The following BEAN1 variants were observed in gnomAD, a reference collection of about 807,000 sequenced individuals.
BEAN1 encodes brain expressed associated with NEDD4 1.
In BEAN1, 17 loss-of-function variants were observed where a neutral mutation model predicts 17.7. The ratio of observed to expected loss-of-function variants is 0.96; its 90% CI spans 0.66 to 1.44. BEAN1 has a LOEUF of 1.44. Ranked by LOEUF, BEAN1 falls within the 40% of genes most tolerant of loss-of-function variation. The pLI is 0.00. For missense variants in BEAN1, 359 were observed against 374.1 expected, an observed-to-expected ratio of 0.96 and a Z score of 0.33; for synonymous variants, 142 against 151.8, an observed-to-expected ratio of 0.94 and a Z score of 0.47.
intron 2 of BEAN1, 60 bp downstream of exon 2, chr16:66,437,761 T>C: frequency 6.7e-7 from 1 of 1,495,936 alleles, no homozygotes; most frequent in Non-Finnish European, 9.0e-7. Context: ...GAGCTTGGAG[T>C]CGAGCTGCAG....
At chr16:66,458,026 C>G (rs1049848570) in intron 2 of BEAN1, among the ~76,000 whole-genome samples, 2 of 152,178 alleles carry the variant, frequency 1.3e-5, no homozygotes, top group Non-Finnish European at 2.9e-5. Flanking sequence ...CAGACTTGCC[C>G]GGGAAGTGGA....
intron 4 of BEAN1, among the ~76,000 whole-genome samples, chr16:66,487,838 C>A (rs1964110173): frequency 6.6e-6 from 1 of 152,152 alleles, no homozygotes; most frequent in African/African-American, 2.4e-5. Context: ...CATGCCTCCA[C>A]CTCCCCTCCC....
rs1371599512 is a variant in BEAN1, at chr16:66,481,800, C to A, written c.*875C>A. 1.3e-5 allele frequency: 2 copies of A among 152,584 alleles called. No individual in the cohort carries two copies. The highest frequency in any genetic ancestry group is 1.9e-4 in the East Asian group (1 of 5,196). 9.5% of individuals were successfully genotyped at this position (152,584 alleles called of 1,614,324 possible). A position where few individuals can be genotyped will look rare whatever the true frequency, so the allele number is the denominator to read the frequency against. ...GCTTCACCACAGTGCTGCCTGGGCA[C>A]CTCTCTGAGGCAGAGAAGTGGCCCC... is the stretch of plus-strand genomic sequence containing the variant. On this transcript the variant is annotated 3_prime_UTR_variant, in exon 5 of 5. Transcript: ENST00000536005. The surrounding 1 kb of genome is among the most constrained non-coding windows in gnomAD (Gnocchi z 4.1).
chr16:66,469,074 C>T (rs1671356450), intron 2 of BEAN1, among the ~76,000 whole-genome samples: 2 of 151,826 alleles, frequency 1.3e-5, no homozygotes, highest in South Asian at 2.1e-4. Context: ...TTCTGGGAAA[C>T]CTTCTCTCAT....
Position 66,481,034 on chromosome 16 carries a change from CACA to C in BEAN1, c.*110_*112del. The C allele has an allele frequency of 1.1e-6, 1 of 950,560 alleles. No individual in the cohort carries two copies. Among genetic ancestry groups the C allele is most frequent in the Non-Finnish European group, 1.5e-6 (1 of 663,034 alleles). The allele number at this position is 950,560 out of a possible 1,614,324, so 58.9% of individuals were successfully genotyped here. A position where few individuals can be genotyped will look rare whatever the true frequency, so the allele number is the denominator to read the frequency against. On this transcript the variant is annotated 3_prime_UTR_variant, in exon 5 of 5. Coordinates refer to ENST00000536005, the MANE Select transcript of BEAN1 (RefSeq NM_001178020.3). The surrounding 1 kb of genome is among the most constrained non-coding windows in gnomAD (Gnocchi z 4.1). ...AGATGCACACGTGACTCATAACACA[CACA>C]TAGACCAAACTTGTATACACACAGA...
rs372012072 is a variant in BEAN1 at position 66,480,581 on chromosome 16, C to T, written c.441-5C>T. The stretch of plus-strand genomic sequence containing the variant: ...GGGGCACTGAGGGAGCCTCTTCTCT[C>T]GTAGCTACGAGGAGTGTGTGGGGCC... On this transcript the variant is annotated splice_polypyrimidine_tract_variant and splice_region_variant and intron_variant, in intron 4 of 4. Transcript: ENST00000536005. 1.4e-5 allele frequency: 22 copies of T among 1,521,848 alleles called. No homozygotes were observed. Among genetic ancestry groups the T allele is most frequent in the African/African-American group, 2.8e-5 (2 of 72,598 alleles). 94.3% of individuals were successfully genotyped at this position (1,521,848 alleles called of 1,614,324 possible). A position where few individuals can be genotyped will look rare whatever the true frequency, so the allele number is the denominator to read the frequency against.
chr16:66,480,629 C>G lies in BEAN1; in HGVS notation c.484C>G (p.Pro162Ala). Residue 162 changes from proline to alanine, a missense_variant, in exon 5 of 5, where the codon CCC becomes GCC. By Grantham distance (27) the Pro-to-Ala change is conservative (BLOSUM62 -1). Transcript: ENST00000536005. ...VGPGATQLYV[P>A]TDAPPPYSLT... Reference sequence around the variant, plus strand: ...GCCAGGGGCCACTCAGCTGTATGTCCCCACGGACGCACCACCACCCTACTC... The same window carrying G: ...GCCAGGGGCCACTCAGCTGTATGTCGCCACGGACGCACCACCACCCTACTC... 2 of 1,550,588 alleles carry G rather than the reference C, an allele frequency of 1.3e-6. No homozygotes were observed. Among genetic ancestry groups the G allele is most frequent in the Non-Finnish European group, 1.7e-6 (2 of 1,146,256 alleles).
intron 2 of BEAN1, among the ~76,000 whole-genome samples, chr16:66,456,459 A>G (rs1962871178): frequency 6.6e-6 from 1 of 152,222 alleles, no homozygotes; most frequent in Admixed American, 6.5e-5. Context: ...AGGCATGCAC[A>G]GTAACTCCAC....
chr16:66,460,462 A>G (rs1963040555), intron 2 of BEAN1, among the ~76,000 whole-genome samples: 2 of 152,350 alleles, frequency 1.3e-5, no homozygotes, highest in Admixed American at 1.3e-4. Context: ...TCTCTAGGAC[A>G]TACCCAGAGA....
intron 1 of BEAN1, among the ~76,000 whole-genome samples, chr16:66,432,224 C>G (rs536393951): frequency 6.6e-6 from 1 of 152,284 alleles, no homozygotes; most frequent in East Asian, 1.9e-4. Context: ...ACTTTTCTCC[C>G]CCACTCCTAA....
chr16:66,443,874 C>T (rs996536566), intron 2 of BEAN1, among the ~76,000 whole-genome samples: 4 of 152,090 alleles, frequency 2.6e-5, no homozygotes, highest in African/African-American at 9.7e-5. Context: ...TGGGGTTTCA[C>T]CATGTTGACC....
At chr16:66,447,296 C>T (rs1434732938) in intron 2 of BEAN1, among the ~76,000 whole-genome samples, 1 of 152,180 alleles carries the variant, frequency 6.6e-6, no homozygotes, top group Admixed American at 6.5e-5. Flanking sequence ...GCAGTAACAA[C>T]AGCAAGAGCT....
intron 4 of BEAN1, among the ~76,000 whole-genome samples, chr16:66,488,518 C>CAAAAA (rs35976761): frequency 3.2e-4 from 16 of 49,234 alleles, no homozygotes; most frequent in Non-Finnish European, 4.2e-4. Flanking sequence ...TTATCACTAC[C>CAAAAA]AAAAAAAAAA....
chr16:66,428,392 A>T (rs1961664321), intron 1 of BEAN1: 1 of 152,182 alleles, frequency 6.6e-6, no homozygotes, highest in Non-Finnish European at 1.5e-5. Context: ...ACGATTTCCG[A>T]TGAGCCCCTG....
chr16:66,439,380 C>A (rs1382834995), intron 2 of BEAN1, among the ~76,000 whole-genome samples: 3 of 152,220 alleles, frequency 2.0e-5, no homozygotes, highest in Non-Finnish European at 2.9e-5. Flanking sequence ...GGGACACCTG[C>A]CCTGCAGAGC....
chr16:66,434,215 C>T lies in BEAN1; in HGVS notation c.-82-3380C>T, dbSNP rs1244100303. 2.6e-5 allele frequency among the ~76,000 whole-genome samples: 4 copies of T among 151,104 alleles called. No homozygotes were observed. The highest frequency in any genetic ancestry group is 5.9e-5 in the Non-Finnish European group (4 of 67,840). On this transcript the variant is annotated intron_variant, in intron 1 of 4. Coordinates refer to ENST00000536005, the MANE Select transcript of BEAN1 (RefSeq NM_001178020.3). The surrounding 1 kb of genome is among the most constrained non-coding windows in gnomAD (Gnocchi z 4.3). ...AGCTGGGGTGGGCCTGCCCCCGACCCCGACCCCAACCCCGACCCCGACCCC... is the reference window on the plus strand; with the variant it reads ...AGCTGGGGTGGGCCTGCCCCCGACCTCGACCCCAACCCCGACCCCGACCCC...
At chr16:66,490,370 C>A (rs896455729) in intron 4 of BEAN1, among the ~76,000 whole-genome samples, 2 of 91,804 alleles carry the variant, frequency 2.2e-5, no homozygotes, top group Admixed American at 1.3e-4. Flanking sequence ...GCACTCCAGC[C>A]TGGGCAACAA....
chr16:66,450,390 C>G (rs1465500388), intron 2 of BEAN1, among the ~76,000 whole-genome samples: 1 of 152,170 alleles, frequency 6.6e-6, no homozygotes, highest in Non-Finnish European at 1.5e-5. Flanking sequence ...ACTGCAATAA[C>G]CAAGACCTAT....
intron 2 of BEAN1, among the ~76,000 whole-genome samples, chr16:66,441,679 G>T (rs2142385045): frequency 6.6e-6 from 1 of 152,300 alleles, no homozygotes; most frequent in East Asian, 1.9e-4. Flanking sequence ...CAGTGCACGT[G>T]AGGTCTGGAG....
Sources: allele counts gnomAD v4.1 joint callset (sites outside exome capture counted in the v4.1 genomes callset), GRCh38; gene constraint gnomAD v4.1.1; non-coding constraint Gnocchi (gnomAD v3.1); transcripts MANE v1.5; gene names NCBI Gene and HGNC (gene_info 2026-07-23, HGNC 2026-07-21).